Variants in WWOX observed in about 807,000 individuals in gnomAD.
WWOX encodes the protein WW domain containing oxidoreductase, also known as WW domain-containing oxidoreductase.
A neutral mutation model predicts 46.2 loss-of-function variants in WWOX; 69 were observed. That is an observed-to-expected ratio of 1.49 (90% confidence interval 1.23 to 1.82). The LOEUF is 1.82. Among genes scored for constraint, WWOX ranks in the 40% most tolerant of loss-of-function variants. WWOX has a pLI of 0.00. For missense variants in WWOX, 919 were observed against 542.6 expected (o/e 1.69, Z -6.89); for synonymous variants, 359 against 202.6 (o/e 1.77, Z -6.56).
intron 8 of WWOX, among the ~76,000 whole-genome samples, chr16:78,921,853 T>G (rs1051789020): frequency 1.3e-5 from 2 of 152,188 alleles, no homozygotes; most frequent in African/African-American, 4.8e-5. Context: ...TGGCTGATAT[T>G]TGCTAGAAGG....
intron 8 of WWOX, among the ~76,000 whole-genome samples, chr16:78,862,354 T>C (rs1394687123): frequency 3.3e-5 from 5 of 151,220 alleles, no homozygotes; most frequent in Non-Finnish European, 5.9e-5. Context: ...CTAAATAATA[T>C]ATATAAACAC....
intron 5 of WWOX, among the ~76,000 whole-genome samples, chr16:78,211,833 A>G (rs970664616): frequency 6.6e-6 from 1 of 152,208 alleles, no homozygotes; most frequent in Non-Finnish European, 1.5e-5. Context: ...AGGTTGCACC[A>G]GTGGGAGGGA....
At chr16:78,940,895 C>T (rs896574566) in intron 8 of WWOX, among the ~76,000 whole-genome samples, 1 of 152,020 alleles carries the variant, frequency 6.6e-6, no homozygotes, top group Non-Finnish European at 1.5e-5. Context: ...AGTCACTCTT[C>T]ATGTCTATGC....
intron 8 of WWOX, among the ~76,000 whole-genome samples, chr16:78,447,033 G>A (rs1239018542): frequency 6.6e-6 from 1 of 152,152 alleles, no homozygotes; most frequent in Non-Finnish European, 1.5e-5. Context: ...ATGGCAGGAT[G>A]TCTTATTTAT....
intron 8 of WWOX, among the ~76,000 whole-genome samples, chr16:78,793,892 C>A (rs2050672430): frequency 2.0e-5 from 3 of 148,888 alleles, no homozygotes; most frequent in Non-Finnish European, 3.0e-5. Flanking sequence ...CTCATCTCTA[C>A]AAAAAATAAA....
chr16:78,264,549 G>GAAAGCAC (rs1476090400), intron 5 of WWOX: 1 of 152,224 alleles, frequency 6.6e-6, no homozygotes. Context: ...ACTCTCAGCT[G>GAAAGCAC]AAAGCACAAA....
At chr16:79,084,098 G>C (rs1344191879) in intron 8 of WWOX, among the ~76,000 whole-genome samples, 2 of 152,152 alleles carry the variant, frequency 1.3e-5, no homozygotes, top group African/African-American at 4.8e-5. Context: ...GAGTGGCTGA[G>C]AAACCAGGGA....
intron 8 of WWOX, among the ~76,000 whole-genome samples, chr16:78,542,552 T>C (rs1006052926): frequency 2.6e-5 from 4 of 152,176 alleles, no homozygotes; most frequent in Non-Finnish European, 5.9e-5. Context: ...CAGAAGCCGA[T>C]GTGCAGAGGT....
chr16:78,205,043 C>T (rs2036348747), intron 5 of WWOX, among the ~76,000 whole-genome samples: 1 of 152,160 alleles, frequency 6.6e-6, no homozygotes, highest in Non-Finnish European at 1.5e-5. Flanking sequence ...ACTCTTATGG[C>T]AGACATGAAC....
At chr16:78,176,952 A>G (rs1017367614) in intron 5 of WWOX, among the ~76,000 whole-genome samples, 5 of 152,338 alleles carry the variant, frequency 3.3e-5, no homozygotes, top group Admixed American at 1.3e-4. Context: ...TACTCAAAGC[A>G]TGGTCCCTGA....
intron 8 of WWOX, among the ~76,000 whole-genome samples, chr16:78,471,377 T>G (rs1177642963): frequency 6.6e-6 from 1 of 152,210 alleles, no homozygotes; most frequent in Non-Finnish European, 1.5e-5. Flanking sequence ...ATTTGTCTGG[T>G]GGAATGTTTA....
intron 8 of WWOX, among the ~76,000 whole-genome samples, chr16:78,600,525 G>A (rs914962888): frequency 1.8e-4 from 27 of 152,110 alleles, no homozygotes; most frequent in Admixed American, 6.5e-4. Flanking sequence ...CAGAATGAAA[G>A]ATGAGGGCAG....
At chr16:78,223,554 G>A (rs1302893203) in intron 5 of WWOX, among the ~76,000 whole-genome samples, 2 of 152,282 alleles carry the variant, frequency 1.3e-5, no homozygotes, top group East Asian at 3.9e-4. Flanking sequence ...ATTGGACGGT[G>A]GAAGGCAGGG....
intron 5 of WWOX, among the ~76,000 whole-genome samples, chr16:78,316,897 C>A (rs899686790): frequency 6.6e-6 from 1 of 152,184 alleles, no homozygotes; most frequent in African/African-American, 2.4e-5. Context: ...CTGAAACTAC[C>A]ATTTATCTTT....
chr16:78,714,070 A>G (rs765889105), intron 8 of WWOX, among the ~76,000 whole-genome samples: 1 of 152,134 alleles, frequency 6.6e-6, no homozygotes, highest in Admixed American at 6.5e-5. Context: ...ACTTAAAGAG[A>G]CTGATGAACC....
At chr16:78,125,463 C>G (rs546521998) in intron 4 of WWOX, among the ~76,000 whole-genome samples, 2 of 152,256 alleles carry the variant, frequency 1.3e-5, no homozygotes, top group Admixed American at 6.5e-5. Flanking sequence ...TTTATTTAAA[C>G]CCGTGAAGCC....
intron 5 of WWOX, among the ~76,000 whole-genome samples, chr16:78,226,776 A>G (rs1207237362): frequency 6.6e-6 from 1 of 152,066 alleles, no homozygotes; most frequent in Non-Finnish European, 1.5e-5. Flanking sequence ...CAGGTGCATG[A>G]TAAGTGTGTC....
chr16:78,487,201 T>C (rs1340677466), intron 8 of WWOX, among the ~76,000 whole-genome samples: 1 of 152,194 alleles, frequency 6.6e-6, no homozygotes, highest in South Asian at 2.1e-4. Flanking sequence ...TTATCTTTTT[T>C]CTCAGTTTTT....
At chr16:78,162,529 C>T (rs74563127) in intron 4 of WWOX, among the ~76,000 whole-genome samples, 12 of 140,494 alleles carry the variant, frequency 8.5e-5, no homozygotes, top group South Asian at 4.7e-4. Flanking sequence ...TATATATATA[C>T]ACACACACAC....
Sources: allele counts gnomAD v4.1 joint callset (sites outside exome capture counted in the v4.1 genomes callset), GRCh38; gene constraint gnomAD v4.1.1; transcripts MANE v1.5; gene names NCBI Gene and HGNC (gene_info 2026-07-23, HGNC 2026-07-21).